SYNDIG1: variants seen among roughly 807,000 people sequenced by gnomAD.
The protein encoded by SYNDIG1 is synapse differentiation inducing 1, also known as synapse differentiation-inducing gene protein 1.
A neutral mutation model predicts 19.4 loss-of-function variants in SYNDIG1; 9 were observed. That is an observed-to-expected ratio of 0.46 (90% CI 0.28 to 0.81). SYNDIG1 has a LOEUF of 0.81. Ranked by LOEUF, SYNDIG1 falls within the 30% of genes least tolerant of loss-of-function variation. The pLI is 0.12. For missense variants in SYNDIG1, 311 were observed against 343.3 expected, an observed-to-expected ratio of 0.91 and a Z score of 0.74; for synonymous variants, 141 against 145.9, an observed-to-expected ratio of 0.97 and a Z score of 0.24.
chr20:24,593,719 A>G (rs2058550477), intron 3 of SYNDIG1, among the ~76,000 whole-genome samples: 2 of 152,150 alleles, frequency 1.3e-5, no homozygotes, highest in East Asian at 1.9e-4. Context: ...TGACATTTTA[A>G]TAATAGCCAT....
intron 2 of SYNDIG1, among the ~76,000 whole-genome samples, chr20:24,580,997 C>T (rs957791284): frequency 1.3e-5 from 2 of 152,144 alleles, no homozygotes; most frequent in East Asian, 1.9e-4. Context: ...TGGGCCTCTC[C>T]GTCACCACCA....
chr20:24,552,898 A>G (rs1215948927), intron 2 of SYNDIG1, among the ~76,000 whole-genome samples: 2 of 152,228 alleles, frequency 1.3e-5, no homozygotes, highest in South Asian at 2.1e-4. Context: ...GAAATCCACA[A>G]TGGTTGAACT....
chr20:24,528,579 A>C (rs1243048848), intron 1 of SYNDIG1, among the ~76,000 whole-genome samples: 1 of 152,168 alleles, frequency 6.6e-6, no homozygotes, highest in African/African-American at 2.4e-5. Flanking sequence ...CTGTGTGCTC[A>C]CATGGCAGAA....
intron 1 of SYNDIG1, among the ~76,000 whole-genome samples, chr20:24,493,235 T>C (rs2056204044): frequency 6.6e-6 from 1 of 152,246 alleles, no homozygotes; most frequent in Non-Finnish European, 1.5e-5. Context: ...CTAAATGAAC[T>C]CACTTTCCTA....
intron 3 of SYNDIG1, among the ~76,000 whole-genome samples, chr20:24,653,215 G>A (rs958153333): frequency 3.3e-5 from 5 of 152,168 alleles, no homozygotes; most frequent in African/African-American, 1.2e-4. Context: ...ATGTCAGCAC[G>A]TTTTGGAAGA....
chr20:24,496,092 G>A (rs551004396), intron 1 of SYNDIG1, among the ~76,000 whole-genome samples: 7 of 152,040 alleles, frequency 4.6e-5, no homozygotes, highest in Non-Finnish European at 7.4e-5. Flanking sequence ...TGATCAGCCC[G>A]CCTCGGCCTC....
At chr20:24,601,773 C>A (rs781147811) in intron 3 of SYNDIG1, among the ~76,000 whole-genome samples, 3 of 152,138 alleles carry the variant, frequency 2.0e-5, no homozygotes, top group Non-Finnish European at 4.4e-5. Flanking sequence ...ATTTTTTAAT[C>A]TTCCAGCTTG....
At chr20:24,653,850 G>A (rs1047876973) in intron 3 of SYNDIG1, among the ~76,000 whole-genome samples, 2 of 152,168 alleles carry the variant, frequency 1.3e-5, no homozygotes, top group Non-Finnish European at 2.9e-5. Flanking sequence ...GTCATCCCTC[G>A]GTGTGGTCTG....
rs150745775 is a variant in SYNDIG1, at chr20:24,665,980, C to T, written c.*476C>T. 1,348 of 162,020 alleles carry T rather than the reference C, an allele frequency of 8.3e-3. 15 individuals carry two copies. Among genetic ancestry groups the T allele is most frequent in the African/African-American group, 0.031 (1,286 of 41,620 alleles). 10.0% of individuals were successfully genotyped at this position (162,020 alleles called of 1,614,324 possible). A position where few individuals can be genotyped will look rare whatever the true frequency, so the allele number is the denominator to read the frequency against. ...GAGTCCACACGCCTTCCCTGCAAGA[C>T]GAGAATGGGGCTGGGAAGAAAGAGG... On this transcript the variant is annotated 3_prime_UTR_variant, in exon 4 of 4. Coordinates refer to ENST00000376862, the MANE Select transcript of SYNDIG1 (RefSeq NM_024893.3).
chr20:24,548,797 G>C (rs957359461), intron 2 of SYNDIG1, among the ~76,000 whole-genome samples: 2 of 152,084 alleles, frequency 1.3e-5, no homozygotes, highest in Non-Finnish European at 2.9e-5. Flanking sequence ...TGATCTTAGG[G>C]GGAGCTTTTA....
intron 1 of SYNDIG1, among the ~76,000 whole-genome samples, chr20:24,508,620 A>C (rs996316793): frequency 2.0e-5 from 3 of 152,238 alleles, no homozygotes; most frequent in Non-Finnish European, 4.4e-5. Flanking sequence ...ATGAACAAAC[A>C]AAAAAACTAG....
At chr20:24,660,712 G>A (rs742804) in intron 3 of SYNDIG1, among the ~76,000 whole-genome samples, 30,900 of 152,200 alleles carry the variant, frequency 0.2, 3,978 homozygotes, top group East Asian at 0.57. Context: ...GCTCACCTTC[G>A]CATCCCCAGC....
chr20:24,572,220 C>T (rs144793871), intron 2 of SYNDIG1, among the ~76,000 whole-genome samples: 169 of 152,332 alleles, frequency 1.1e-3, no homozygotes, highest in African/African-American at 3.9e-3. Context: ...GGACCTAGAC[C>T]TAACCCCTGG....
At chr20:24,593,806 A>T (rs2058551833) in intron 3 of SYNDIG1, among the ~76,000 whole-genome samples, 1 of 151,906 alleles carries the variant, frequency 6.6e-6, no homozygotes, top group Non-Finnish European at 1.5e-5. Flanking sequence ...GCATTTTTTC[A>T]TATGGTTGTT....
chr20:24,551,678 G>A (rs945968351), intron 2 of SYNDIG1, among the ~76,000 whole-genome samples: 1 of 151,654 alleles, frequency 6.6e-6, no homozygotes, highest in Non-Finnish European at 1.5e-5. Flanking sequence ...ATTTTGATTT[G>A]TTGTGTTTTA....
chr20:24,598,704 T>G (rs1209172094), intron 3 of SYNDIG1, among the ~76,000 whole-genome samples: 1 of 152,236 alleles, frequency 6.6e-6, no homozygotes, highest in Non-Finnish European at 1.5e-5. Context: ...TGGTTTTGGT[T>G]TACTATTTTT....
chr20:24,576,023 C>T (rs563612550), intron 2 of SYNDIG1, among the ~76,000 whole-genome samples: 5 of 152,272 alleles, frequency 3.3e-5, no homozygotes, highest in South Asian at 2.1e-4. Flanking sequence ...GGTGACAGCA[C>T]GAAAGTCCCT....
At chr20:24,661,110 T>A (rs971742372) in intron 3 of SYNDIG1, among the ~76,000 whole-genome samples, 11 of 152,346 alleles carry the variant, frequency 7.2e-5, no homozygotes, top group Middle Eastern at 3.4e-3. Flanking sequence ...AAACCATTTG[T>A]GGAGGCACAG....
intron 3 of SYNDIG1, among the ~76,000 whole-genome samples, chr20:24,628,775 G>C (rs528073322): frequency 3.9e-5 from 6 of 152,202 alleles, no homozygotes; most frequent in African/African-American, 7.2e-5. Flanking sequence ...AATGCATCGC[G>C]CTAGGGCTCT....
Sources: allele counts gnomAD v4.1 joint callset (sites outside exome capture counted in the v4.1 genomes callset), GRCh38; gene constraint gnomAD v4.1.1; transcripts MANE v1.5; gene names NCBI Gene and HGNC (gene_info 2026-07-23, HGNC 2026-07-21).